PLEKHM1: variants seen among roughly 807,000 people sequenced by gnomAD.
PLEKHM1 encodes pleckstrin homology domain-containing family M member 1.
Under a neutral mutation model 94.3 loss-of-function variants are expected in PLEKHM1, and 28 were observed. The ratio of observed to expected loss-of-function variants is 0.30; its 90% CI spans 0.22 to 0.41. The LOEUF (loss-of-function observed/expected upper bound fraction) is 0.41, where lower values mean the gene tolerates loss of function less well. Among genes scored for constraint, PLEKHM1 ranks in the 10% least tolerant of loss-of-function variants. The pLI is 1.00. For missense variants in PLEKHM1, 907 were observed against 1,358.6 expected, an observed-to-expected ratio of 0.67 and a Z score of 5.22; for synonymous variants, 424 against 581.2, an observed-to-expected ratio of 0.73 and a Z score of 3.89.
At chr17:45,449,116 C>T (rs1371510019) in intron 8 of PLEKHM1, among the ~76,000 whole-genome samples, 1 of 152,002 alleles carries the variant, frequency 6.6e-6, no homozygotes, top group African/African-American at 2.4e-5. Flanking sequence ...AGAAAAAGTG[C>T]TTTTCAAAAA....
Position 45,468,480 on chromosome 17 carries a change from G to A in PLEKHM1, c.1037C>T (p.Thr346Ile), listed in dbSNP as rs1193318427. ...QASLSLHGLN[T>I]STYLHCEAPA... ...TGCCTCACAGTGCAGGTATGTGCTG[G>A]TGTTGAGGCCATGGAGGGAGAGCGA... Residue 346 changes from threonine to isoleucine, a missense_variant, in exon 5 of 12, where the codon ACC becomes ATC. By Grantham distance (89) the Thr-to-Ile change is moderately conservative. Coordinates refer to ENST00000430334, the MANE Select transcript of PLEKHM1 (RefSeq NM_014798.3). 3 of 1,614,148 alleles carry A rather than the reference G, an allele frequency of 1.9e-6. No individual in the cohort carries two copies. The highest frequency in any genetic ancestry group is 2.7e-5 in the African/African-American group (2 of 74,952).
intron 1 of PLEKHM1, among the ~76,000 whole-genome samples, chr17:45,489,703 C>T (rs925154888): frequency 1.3e-5 from 2 of 152,068 alleles, no homozygotes; most frequent in Non-Finnish European, 2.9e-5. Flanking sequence ...TCATGCTGCT[C>T]AGTCTGTAAC....
intron 6 of PLEKHM1, among the ~76,000 whole-genome samples, chr17:45,455,694 G>A (rs1401995953): frequency 1.3e-5 from 2 of 152,020 alleles, no homozygotes; most frequent in Non-Finnish European, 2.9e-5. Context: ...CCACACATCC[G>A]GAATCCCCGC....
At position 45,445,124 on chromosome 17, in the gene PLEKHM1, G is replaced by A. The variant is rs2145180596; in HGVS notation, c.2837+346C>T. On this transcript the variant is annotated intron_variant, in intron 9 of 11. Transcript: ENST00000430334. This position sits in a 1 kb window ranked among gnomAD's most constrained non-coding sequence, Gnocchi z 4.2. ...ATGTTCTCAGTCCATGTTTTTGAGT[G>A]AACAAATAGATACATGAACAAAACC... Among the ~76,000 whole-genome samples the A allele has an allele frequency of 6.6e-6, 1 of 152,342 alleles. No individual in the cohort carries two copies. The highest frequency in any genetic ancestry group is 1.5e-5 in the Non-Finnish European group (1 of 68,042).
At chr17:45,439,851 T>TG (rs2050387475) in intron 10 of PLEKHM1, among the ~76,000 whole-genome samples, 1 of 152,366 alleles carries the variant, frequency 6.6e-6, no homozygotes, top group Non-Finnish European at 1.5e-5. Flanking sequence ...CTGAGGTCAC[T>TG]GGGGGCTAAT....
chr17:45,486,418 T>C (rs985721408), intron 1 of PLEKHM1, among the ~76,000 whole-genome samples: 3 of 147,490 alleles, frequency 2.0e-5, no homozygotes, highest in African/African-American at 7.5e-5. Flanking sequence ...CCATCTCTAC[T>C]AAAAATACAA....
At chr17:45,462,789 A>G (rs956771652) in intron 5 of PLEKHM1, among the ~76,000 whole-genome samples, 32 of 152,334 alleles carry the variant, frequency 2.1e-4, no homozygotes, top group Admixed American at 1.8e-3. Flanking sequence ...TTTTAAGATT[A>G]TGGACATTCA....
At chr17:45,488,390 AATTG>A (rs1479109260) in intron 1 of PLEKHM1, among the ~76,000 whole-genome samples, 1 of 152,188 alleles carries the variant, frequency 6.6e-6, no homozygotes, top group African/African-American at 2.4e-5. Flanking sequence ...CTGTTGAATG[AATTG>A]ATTAATAAAA....
At chr17:45,447,737 G>A (rs918002051) in intron 8 of PLEKHM1, among the ~76,000 whole-genome samples, 1 of 152,052 alleles carries the variant, frequency 6.6e-6, no homozygotes, top group African/African-American at 2.4e-5. Flanking sequence ...AGCAATCTTT[G>A]AGAGGGAGAG....
In PLEKHM1 at chr17:45,454,293, G is replaced by A. The variant is rs1028496623; in HGVS notation, c.1580-21C>T. On this transcript the variant is annotated intron_variant, in intron 6 of 11. Transcript: ENST00000430334. Reference sequence around the variant, plus strand: ...CAGTCCTGGAGGCAGAGGCAAAAAGGGGCACATTAGTTGGCGGGCCTGTCT... The same window carrying A: ...CAGTCCTGGAGGCAGAGGCAAAAAGAGGCACATTAGTTGGCGGGCCTGTCT... 3.8e-6 allele frequency: 6 copies of A among 1,577,066 alleles called. No individual in the cohort carries two copies. The East Asian group carries it at 1.2e-4, about 31-fold the overall frequency.
chr17:45,442,567 G>A (rs1019074576), intron 9 of PLEKHM1, among the ~76,000 whole-genome samples: 2 of 152,196 alleles, frequency 1.3e-5, no homozygotes, highest in Admixed American at 6.5e-5. Context: ...CACCACGCCC[G>A]GCTAATTTTG....
At chr17:45,484,716 C>T (rs1193151933) in intron 1 of PLEKHM1, among the ~76,000 whole-genome samples, 2 of 152,180 alleles carry the variant, frequency 1.3e-5, no homozygotes, top group African/African-American at 4.8e-5. Flanking sequence ...ATCAACAGTG[C>T]CATCACCTCA....
chr17:45,445,427 G>A lies in PLEKHM1; in HGVS notation c.2837+43C>T, dbSNP rs1475229994. On this transcript the variant is annotated intron_variant, in intron 9 of 11. Coordinates refer to ENST00000430334, the MANE Select transcript of PLEKHM1 (RefSeq NM_014798.3). This position sits in a 1 kb window ranked among gnomAD's most constrained non-coding sequence, Gnocchi z 4.2. ...TATGTGTTTGTGTGCATGCATGTGC[G>A]TGTGTACGTGCACTCACACGCATAC... 46 of 1,556,052 alleles carry A rather than the reference G, an allele frequency of 3.0e-5. No homozygotes were observed. Among genetic ancestry groups the A allele is most frequent in the Non-Finnish European group, 3.8e-5 (43 of 1,127,596 alleles).
intron 2 of PLEKHM1, among the ~76,000 whole-genome samples, chr17:45,479,024 T>G (rs1445241184): frequency 1.1e-4 from 1 of 8,886 alleles, no homozygotes. Flanking sequence ...ACCTTTTTTT[T>G]TCTTTTTTTT....
At position 45,437,359 on chromosome 17, in the gene PLEKHM1, T is replaced by A. The variant is rs985807729; in HGVS notation, c.*499A>T. On this transcript the variant is annotated 3_prime_UTR_variant, in exon 12 of 12. Transcript: ENST00000430334. This position sits in a 1 kb window ranked among gnomAD's most constrained non-coding sequence, Gnocchi z 4.0. ...CCGCTACCTCTAAGCCAGGCCTGAG[T>A]GGCTCCTGTGCATCCGCTGGGGGTG... is the stretch of plus-strand genomic sequence containing the variant. 13 of 454,198 alleles carry A rather than the reference T, an allele frequency of 2.9e-5. No homozygotes were observed. Among genetic ancestry groups the A allele is most frequent in the African/African-American group, 2.4e-4 (12 of 50,148 alleles). 28.1% of individuals were successfully genotyped at this position (454,198 alleles called of 1,614,324 possible).
Position 45,439,633 on chromosome 17 carries a change from A to G in PLEKHM1, c.2903T>C (p.Ile968Thr). The G allele has an allele frequency of 6.2e-7, 1 of 1,613,994 alleles. No homozygotes were observed. The highest frequency in any genetic ancestry group is 2.2e-5 in the East Asian group (1 of 44,868). ...HRFSVADLQQ[I>T]ADGVYEGFLK... ...GAATCCTTCATACACCCCGTCTGCGATCTGCGGAGGGCAAGTAGGAATCCT... is the reference window on the plus strand; with the variant it reads ...GAATCCTTCATACACCCCGTCTGCGGTCTGCGGAGGGCAAGTAGGAATCCT... The change falls in exon 11 of 12, where the codon ATC (isoleucine) becomes ACC (threonine). Residue 968 changes from isoleucine (I) to threonine (T), a missense_variant and splice_region_variant. Around this residue, in one of 3 missense-constraint regions of PLEKHM1, gnomAD observed 254 missense variants for 451.1 expected, o/e 0.56. Coordinates refer to ENST00000430334, the MANE Select transcript of PLEKHM1 (RefSeq NM_014798.3).
chr17:45,458,273 C>G lies in PLEKHM1; in HGVS notation c.1475G>C (p.Gly492Ala), dbSNP rs571674138. Reference protein sequence around the residue: ...SQEPRKNCSLGALDQACVPSP... With the variant: ...SQEPRKNCSLAALDQACVPSP... ...AGGTACACACGCTTGGTCTAACGCC[C>G]CCAGGGAGCAGTTTTTTCTTGGTTC... The change falls in exon 6 of 12, where the codon GGG (glycine) becomes GCG (alanine). Residue 492 changes from glycine to alanine, a missense_variant. Transcript: ENST00000430334. The G allele has an allele frequency of 2.5e-6, 4 of 1,611,186 alleles. No individual in the cohort carries two copies. The Admixed American group carries it at 5.0e-5, about 20-fold the overall frequency.
At chr17:45,489,824 A>C (rs1418332780) in intron 1 of PLEKHM1, among the ~76,000 whole-genome samples, 2 of 152,110 alleles carry the variant, frequency 1.3e-5, no homozygotes. Context: ...CGAGGGAAGC[A>C]ATGGACGCAG....
chr17:45,458,081 A>C (rs943506695), intron 6 of PLEKHM1, 88 bp downstream of exon 6: 3 of 1,013,094 alleles, frequency 3.0e-6, no homozygotes, highest in Non-Finnish European at 4.5e-6. Flanking sequence ...CTACCCCTTT[A>C]GCAATGGAAA....
Sources: gnomAD v4.1 joint callset for allele counts (sites outside exome capture counted in the v4.1 genomes callset) on GRCh38, gnomAD v4.1.1 for gene constraint, gnomAD v4.1.1 regional missense constraint, Gnocchi (gnomAD v3.1) non-coding constraint, MANE v1.5 for transcripts, NCBI Gene and HGNC (gene_info 2026-07-23, HGNC 2026-07-21) for gene names.